KCNB2: variants seen among roughly 807,000 people sequenced by gnomAD.
KCNB2 encodes delayed rectifier potassium channel protein.
In KCNB2, 15 loss-of-function variants were observed where a neutral mutation model predicts 61.5. That is an observed-to-expected ratio of 0.24 (90% CI 0.16 to 0.38). The LOEUF (loss-of-function observed/expected upper bound fraction) is 0.38, where lower values mean the gene tolerates loss of function less well. Ranked by LOEUF, KCNB2 falls within the 10% of genes least tolerant of loss-of-function variation. The probability of loss-of-function intolerance (pLI) is 1.00; values close to 1 mark genes in which losing one functional copy is unlikely to be tolerated. For synonymous variants in KCNB2, 457 were observed against 446.0 expected (o/e 1.02, Z -0.31); for missense variants, 828 against 1,125.2 (o/e 0.74, Z 3.78).
chr8:72,749,450 A>G (rs1055488255), intron 2 of KCNB2: 2 of 152,034 alleles, frequency 1.3e-5, no homozygotes, highest in South Asian at 2.1e-4. Flanking sequence ...TGTGAAAAAA[A>G]TGATTTTTAG....
chr8:72,667,442 A>G (rs1425126227), intron 2 of KCNB2, among the ~76,000 whole-genome samples: 2 of 152,130 alleles, frequency 1.3e-5, no homozygotes, highest in African/African-American at 2.4e-5. Flanking sequence ...TAACATGTCT[A>G]AATTTGAATT....
chr8:72,851,948 C>T (rs1161538020), intron 2 of KCNB2, among the ~76,000 whole-genome samples: 1 of 149,398 alleles, frequency 6.7e-6, no homozygotes, highest in Non-Finnish European at 1.5e-5. Context: ...TAAAAGGGCA[C>T]ATAGAGGCTG....
chr8:72,621,695 A>G (rs1365148159), intron 2 of KCNB2, among the ~76,000 whole-genome samples: 2 of 152,160 alleles, frequency 1.3e-5, no homozygotes, highest in East Asian at 3.9e-4. Context: ...ATTAGCAGTC[A>G]TTTTCTTTTT....
chr8:72,602,976 C>T (rs1356136549), intron 2 of KCNB2, among the ~76,000 whole-genome samples: 3 of 151,888 alleles, frequency 2.0e-5, no homozygotes. Flanking sequence ...GGCGGCATGC[C>T]CGCTGATGTA....
chr8:72,574,219 T>A (rs989926154), intron 2 of KCNB2, among the ~76,000 whole-genome samples: 1 of 152,230 alleles, frequency 6.6e-6, no homozygotes, highest in Non-Finnish European at 1.5e-5. Flanking sequence ...TATTTCTAGA[T>A]CCATGCTTCT....
intron 2 of KCNB2, among the ~76,000 whole-genome samples, chr8:72,693,671 C>T (rs1168743838): frequency 1.3e-5 from 2 of 152,058 alleles, no homozygotes; most frequent in Non-Finnish European, 2.9e-5. Flanking sequence ...CCAGTTTAAC[C>T]TTATCTGTGG....
In KCNB2 at chr8:72,920,465, C is replaced by CTATATATATATA. The variant is rs1261158124; in HGVS notation, c.580-15467_580-15466insATATATATATAT. 3.7e-4 allele frequency among the ~76,000 whole-genome samples: 26 copies of CTATATATATATA among 71,100 alleles called. 1 individual carries two copies. Among genetic ancestry groups the CTATATATATATA allele is most frequent in the Middle Eastern group, 7.9e-3 (1 of 126 alleles). The allele number at this position is 71,100 out of a possible 152,430, so 46.6% of individuals were successfully genotyped here. Reference sequence around the variant, plus strand: ...TATATCTATCTATCTATCTATCTATCTATCTATCTATATATATATATATTA... The same window carrying CTATATATATATA: ...TATATCTATCTATCTATCTATCTATCTATATATATATATATCTATCTATATATATATATATTA... On this transcript the variant is annotated intron_variant, in intron 2 of 2. Transcript: ENST00000523207.
chr8:72,821,432 T>C (rs1809496128), intron 2 of KCNB2, among the ~76,000 whole-genome samples: 1 of 152,114 alleles, frequency 6.6e-6, no homozygotes, highest in Admixed American at 6.5e-5. Flanking sequence ...CAACCTCTTG[T>C]AGCCAGATGG....
At chr8:72,800,656 A>C (rs1016464628) in intron 2 of KCNB2, among the ~76,000 whole-genome samples, 1 of 151,894 alleles carries the variant, frequency 6.6e-6, no homozygotes, top group Non-Finnish European at 1.5e-5. Flanking sequence ...TCAATAAATA[A>C]CTTTTGCCAA....
chr8:72,760,612 T>C (rs1171941967), intron 2 of KCNB2, among the ~76,000 whole-genome samples: 1 of 152,154 alleles, frequency 6.6e-6, no homozygotes, highest in Non-Finnish European at 1.5e-5. Context: ...CTTATTTTGA[T>C]ACAAAATGAA....
At chr8:72,677,596 G>A (rs756685523) in intron 2 of KCNB2, among the ~76,000 whole-genome samples, 1 of 151,892 alleles carries the variant, frequency 6.6e-6, no homozygotes, top group Non-Finnish European at 1.5e-5. Flanking sequence ...TAACCTCCAC[G>A]CTGCCAAATC....
intron 2 of KCNB2, among the ~76,000 whole-genome samples, chr8:72,685,849 C>T (rs866339766): frequency 2.4e-4 from 36 of 152,188 alleles, no homozygotes; most frequent in African/African-American, 8.4e-4. Context: ...ATTAGCCAGG[C>T]GTGGTGGCGC....
At chr8:72,571,864 G>A (rs1397478442) in intron 2 of KCNB2, among the ~76,000 whole-genome samples, 3 of 152,180 alleles carry the variant, frequency 2.0e-5, no homozygotes, top group Non-Finnish European at 2.9e-5. Context: ...ACTTGATCCT[G>A]TACCTCTTCC....
At chr8:72,700,251 T>G (rs4326420) in intron 2 of KCNB2, among the ~76,000 whole-genome samples, 107,874 of 151,884 alleles carry the variant, frequency 0.71, 39,263 homozygotes, top group African/African-American at 0.86. Context: ...TGCATGCAGG[T>G]CTTAAAACCC....
At chr8:72,677,775 T>C (rs187986418) in intron 2 of KCNB2, among the ~76,000 whole-genome samples, 3 of 152,304 alleles carry the variant, frequency 2.0e-5, no homozygotes, top group Admixed American at 1.3e-4. Context: ...TTCAATTATA[T>C]CTCAATGAAG....
intron 2 of KCNB2, among the ~76,000 whole-genome samples, chr8:72,582,622 A>G (rs1012427797): frequency 6.6e-6 from 1 of 152,118 alleles, no homozygotes; most frequent in Non-Finnish European, 1.5e-5. Context: ...TAAAACTTGT[A>G]CGATTTTAGA....
rs1017167011 is a variant in KCNB2, at chr8:72,551,589, G to C, written c.-94+13704G>C. ...TTTCACCTAATACATTCTTACTCAT[G>C]TCTCTGAACTCAGGTCAAAAATCAC... On this transcript the variant is annotated intron_variant, in intron 1 of 2. Transcript: ENST00000523207. Among the ~76,000 whole-genome samples the C allele has an allele frequency of 5.9e-4, 90 of 152,216 alleles. 1 individual carries two copies. In the Middle Eastern group the frequency reaches 0.017, roughly 29 times the overall value.
chr8:72,570,390 T>C (rs1246105086), intron 2 of KCNB2, among the ~76,000 whole-genome samples: 1 of 152,190 alleles, frequency 6.6e-6, no homozygotes, highest in African/African-American at 2.4e-5. Context: ...TTTATATGTC[T>C]ACATTTTCCT....
chr8:72,688,348 A>G (rs1241242708), intron 2 of KCNB2, among the ~76,000 whole-genome samples: 2 of 152,090 alleles, frequency 1.3e-5, no homozygotes, highest in Non-Finnish European at 2.9e-5. Flanking sequence ...AACGTTCCCA[A>G]GTGCATCAAG....
Sources: allele counts gnomAD v4.1 joint callset (sites outside exome capture counted in the v4.1 genomes callset), GRCh38; gene constraint gnomAD v4.1.1; transcripts MANE v1.5; gene names NCBI Gene and HGNC (gene_info 2026-07-23, HGNC 2026-07-21).